Variants in BIRC6 observed in about 807,000 individuals in gnomAD.
BIRC6 encodes the protein baculoviral IAP repeat containing 6, also known as dual E2 ubiquitin-conjugating enzyme/E3 ubiquitin-protein ligase BIRC6.
Under a neutral mutation model 503.3 loss-of-function variants are expected in BIRC6, and 98 were observed. The observed-to-expected ratio is 0.19, with a 90% CI of 0.17 to 0.23. The LOEUF is 0.23. Among genes scored for constraint, BIRC6 ranks in the 10% least tolerant of loss-of-function variants. The pLI is 1.00. For missense variants in BIRC6, 5,360 were observed against 5,806.0 expected, an observed-to-expected ratio of 0.92 and a Z score of 2.50; for synonymous variants, 2,240 against 2,078.7, an observed-to-expected ratio of 1.08 and a Z score of -2.11.
chr2:32,440,526 A>G (rs192926997), intron 16 of BIRC6, among the ~76,000 whole-genome samples: 2 of 152,240 alleles, frequency 1.3e-5, no homozygotes, highest in East Asian at 3.9e-4. Context: ...ATAAGGAATC[A>G]TACTGATACT....
At chr2:32,577,167 C>G (rs1283673524) in intron 66 of BIRC6, among the ~76,000 whole-genome samples, 1 of 152,014 alleles carries the variant, frequency 6.6e-6, no homozygotes, top group Non-Finnish European at 1.5e-5. Context: ...ACATCTTATT[C>G]CCTTCCCTGG....
intron 10 of BIRC6, among the ~76,000 whole-genome samples, chr2:32,425,695 C>A (rs545348229): frequency 1.3e-5 from 2 of 152,216 alleles, no homozygotes; most frequent in Non-Finnish European, 2.9e-5. Flanking sequence ...TTAAATCTTC[C>A]TGTAGATCCT....
rs567988085 is a variant in BIRC6, at chr2:32,418,926, C to T, written c.2872+2763C>T. ...TCGCGTCACTTCACTCCAGCCTAGG[C>T]TACCGAGCAAGATTCCATCTCAAAC... On this transcript the variant is annotated intron_variant, in intron 10 of 73. Coordinates refer to ENST00000421745, the MANE Select transcript of BIRC6 (RefSeq NM_016252.4). Among the ~76,000 whole-genome samples, 499 of 152,142 alleles carry T rather than the reference C, an allele frequency of 3.3e-3. 2 individuals carry two copies. Among genetic ancestry groups the T allele is most frequent in the African/African-American group, 0.011 (473 of 41,506 alleles).
chr2:32,442,880 T>C (rs2148343440), intron 19 of BIRC6, among the ~76,000 whole-genome samples: 1 of 152,286 alleles, frequency 6.6e-6, no homozygotes, highest in East Asian at 1.9e-4. Flanking sequence ...CAGTCTGCCC[T>C]GATCCCCAGG....
intron 20 of BIRC6, 133 bp from the exon 21 acceptor site, chr2:32,445,387 TA>T: frequency 2.2e-6 from 2 of 909,974 alleles, no homozygotes; most frequent in Non-Finnish European, 1.6e-6. Flanking sequence ...AAATTGCCTA[TA>T]AGATTGTCTT....
chr2:32,414,739 A>G (rs1339996999), intron 9 of BIRC6, 30 bp from the exon 10 acceptor site: 6 of 1,551,876 alleles, frequency 3.9e-6, no homozygotes, highest in Non-Finnish European at 5.3e-6. Context: ...GAGTAGAAAC[A>G]TATCTAATGA....
At chr2:32,481,683 A>G (rs1212705865) in intron 38 of BIRC6, among the ~76,000 whole-genome samples, 4 of 151,934 alleles carry the variant, frequency 2.6e-5, no homozygotes, top group South Asian at 2.1e-4. Context: ...GGAGAATGGC[A>G]TGAACCCATG....
At chr2:32,474,225 G>A (rs145475896) in intron 33 of BIRC6, among the ~76,000 whole-genome samples, 134 of 151,900 alleles carry the variant, frequency 8.8e-4, no homozygotes, top group African/African-American at 3.1e-3. Flanking sequence ...TTGGCAATAC[G>A]TTTTTTATTT....
At chr2:32,474,304 C>T (rs952581704) in intron 33 of BIRC6, among the ~76,000 whole-genome samples, 10 of 152,090 alleles carry the variant, frequency 6.6e-5, no homozygotes, top group African/African-American at 2.2e-4. Context: ...GCATTTTCCT[C>T]AATTACCTTT....
chr2:32,561,892 A>T (rs187367036), intron 65 of BIRC6, among the ~76,000 whole-genome samples: 4 of 151,834 alleles, frequency 2.6e-5, no homozygotes, highest in Admixed American at 2.6e-4. Context: ...AAATACAAAA[A>T]CTAGCCAGGC....
chr2:32,398,348 T>G (rs1209125731), intron 6 of BIRC6, among the ~76,000 whole-genome samples: 5 of 152,168 alleles, frequency 3.3e-5, no homozygotes, highest in Non-Finnish European at 7.3e-5. Context: ...TAATAGACTG[T>G]GGTCCAACAG....
intron 70 of BIRC6, among the ~76,000 whole-genome samples, chr2:32,600,342 G>C (rs1205838402): frequency 6.6e-6 from 1 of 152,090 alleles, no homozygotes; most frequent in South Asian, 2.1e-4. Context: ...GAGGTATTTT[G>C]GATACTTTGA....
intron 55 of BIRC6, among the ~76,000 whole-genome samples, chr2:32,517,073 A>G (rs1409377631): frequency 1.3e-5 from 2 of 152,118 alleles, no homozygotes; most frequent in Admixed American, 1.3e-4. Context: ...GCTTATACCT[A>G]TAATCCCAGC....
At chr2:32,579,469 C>G (rs2060516955) in intron 66 of BIRC6, among the ~76,000 whole-genome samples, 1 of 152,146 alleles carries the variant, frequency 6.6e-6, no homozygotes, top group South Asian at 2.1e-4. Context: ...GGGACGATCA[C>G]TTGAAGCCGG....
rs1267026609 is a variant in BIRC6 at position 32,501,904 on chromosome 2, C to G, written c.9207+16C>G. On this transcript the variant is annotated intron_variant, in intron 47 of 73. Coordinates refer to ENST00000421745, the MANE Select transcript of BIRC6 (RefSeq NM_016252.4). ...GGGCAGACAAGTAAGTTCAAGCCAA[C>G]AACAGTTGCAGTGATTCAAATAAAT... is the stretch of plus-strand genomic sequence containing the variant. 6.3e-7 allele frequency: 1 copy of G among 1,584,308 alleles called. No individual in the cohort carries two copies. The highest frequency in any genetic ancestry group is 1.9e-5 in the Admixed American group (1 of 52,400).
intron 6 of BIRC6, among the ~76,000 whole-genome samples, chr2:32,397,908 AG>A (rs1051315537): frequency 2.0e-5 from 3 of 152,028 alleles, no homozygotes; most frequent in African/African-American, 7.2e-5. Context: ...CCAGGGATTC[AG>A]GGAGTCTACC....
chr2:32,369,917 C>T (rs1255212701), intron 1 of BIRC6, among the ~76,000 whole-genome samples: 2 of 88,872 alleles, frequency 2.3e-5, no homozygotes, highest in East Asian at 6.6e-4. Flanking sequence ...ATAGTGAGAC[C>T]CTGTCTCTTA....
At position 32,463,279 on chromosome 2, in the gene BIRC6, C is replaced by G; in HGVS notation, c.4839C>G (p.Ala1613=). The change falls in exon 24 of 74, where the codon GCC becomes GCG. Residue 1613 remains alanine (A), a synonymous_variant. Transcript: ENST00000421745. ...GEASTALSSA[A]QVALQSLSHA... ...CCTCGACAGCCCTGAGTTCAGCAGCCCAGGTAGCTTTGCAGTCTCTCTCTC... is the reference window on the plus strand; with the variant it reads ...CCTCGACAGCCCTGAGTTCAGCAGCGCAGGTAGCTTTGCAGTCTCTCTCTC... 6.2e-7 allele frequency: 1 copy of G among 1,613,772 alleles called. No homozygotes were observed. Among genetic ancestry groups the G allele is most frequent in the African/African-American group, 1.3e-5 (1 of 75,016 alleles).
At chr2:32,403,958 C>T (rs1251909866) in intron 8 of BIRC6, among the ~76,000 whole-genome samples, 7 of 146,476 alleles carry the variant, frequency 4.8e-5, no homozygotes, top group Admixed American at 3.4e-4. Flanking sequence ...GACAGAGTCT[C>T]ACCCTGTCGC....
Sources: allele counts gnomAD v4.1 joint callset (sites outside exome capture counted in the v4.1 genomes callset), GRCh38; gene constraint gnomAD v4.1.1; transcripts MANE v1.5; gene names NCBI Gene and HGNC (gene_info 2026-07-23, HGNC 2026-07-21).